HPSE2: variants seen among roughly 807,000 people sequenced by gnomAD.
The protein encoded by HPSE2 is heparanase 2 (inactive), also known as inactive heparanase-2.
A neutral mutation model predicts 60.5 loss-of-function variants in HPSE2; 38 were observed. The observed-to-expected ratio is 0.63, with a 90% CI of 0.48 to 0.82. The LOEUF (loss-of-function observed/expected upper bound fraction) is 0.82, where lower values mean the gene tolerates loss of function less well. Ranked by LOEUF, HPSE2 falls within the 40% of genes least tolerant of loss-of-function variation. HPSE2 has a pLI of 0.00. For synonymous variants in HPSE2, 295 were observed against 293.2 expected, an observed-to-expected ratio of 1.01 and a Z score of -0.06; for missense variants, 713 against 740.4, an observed-to-expected ratio of 0.96 and a Z score of 0.43.
intron 9 of HPSE2, among the ~76,000 whole-genome samples, chr10:98,504,286 T>C (rs185872801): frequency 6.6e-6 from 1 of 152,364 alleles, no homozygotes; most frequent in Non-Finnish European, 1.5e-5. Flanking sequence ...TTATTTACTA[T>C]GTTCAATGAA....
At chr10:98,721,566 T>C (rs1948924202) in intron 5 of HPSE2, 91 bp downstream of exon 5, 12 of 1,280,976 alleles carry the variant, frequency 9.4e-6, no homozygotes, top group Non-Finnish European at 1.3e-5. Context: ...CCAAAATAAA[T>C]AAATAAATAA....
At chr10:99,302,224 A>G in the HPSE2 span, among the ~76,000 whole-genome samples, 1 of 152,148 alleles carries the variant, frequency 6.6e-6, no homozygotes, top group African/African-American at 2.4e-5. Context: ...TTAGGAAAAG[A>G]CTTAAGAGTC....
chr10:98,817,954 G>A (rs1304773941), intron 3 of HPSE2, among the ~76,000 whole-genome samples: 1 of 152,138 alleles, frequency 6.6e-6, no homozygotes, highest in African/African-American at 2.4e-5. Context: ...ATACACAAGG[G>A]ATTGGTTTCC....
At chr10:99,013,974 T>G in intron 3 of HPSE2, 1 of 384,268 alleles carries the variant, frequency 2.6e-6, no homozygotes, top group South Asian at 2.0e-5. Flanking sequence ...GGACCCTGCC[T>G]CCAGACACCC....
At chr10:99,007,725 G>A (rs1349855929) in intron 3 of HPSE2, among the ~76,000 whole-genome samples, 1 of 152,174 alleles carries the variant, frequency 6.6e-6, no homozygotes, top group African/African-American at 2.4e-5. Context: ...GGTCATGATG[G>A]TCTCCTACAG....
At chr10:99,096,031 T>A (rs1201788487) in intron 3 of HPSE2, among the ~76,000 whole-genome samples, 3 of 152,172 alleles carry the variant, frequency 2.0e-5, no homozygotes, top group African/African-American at 7.2e-5. Flanking sequence ...AGAAAATTAA[T>A]ACCACCCATA....
At chr10:98,766,432 AT>A (rs1364955513) in intron 3 of HPSE2, among the ~76,000 whole-genome samples, 1 of 152,218 alleles carries the variant, frequency 6.6e-6, no homozygotes, top group Non-Finnish European at 1.5e-5. Flanking sequence ...TTCTTAATGC[AT>A]TTTGAGGCCA....
intron 9 of HPSE2, among the ~76,000 whole-genome samples, chr10:98,493,249 T>C (rs1056132615): frequency 2.6e-5 from 4 of 152,196 alleles, no homozygotes; most frequent in African/African-American, 9.6e-5. Context: ...AAATGTCCCA[T>C]ATGCAATGAG....
intron 2 of HPSE2, among the ~76,000 whole-genome samples, chr10:99,182,469 T>C (rs766784594): frequency 1.1e-4 from 16 of 152,210 alleles, no homozygotes; most frequent in Non-Finnish European, 2.1e-4. Flanking sequence ...GCAAGCTGCT[T>C]GTACTGTTAT....
At chr10:98,894,568 G>T (rs1953429967) in intron 3 of HPSE2, among the ~76,000 whole-genome samples, 1 of 151,890 alleles carries the variant, frequency 6.6e-6, no homozygotes, top group African/African-American at 2.4e-5. Flanking sequence ...TAGAGCTAAA[G>T]AAATTACCTA....
chr10:98,592,347 T>C (rs192239703), intron 9 of HPSE2, among the ~76,000 whole-genome samples: 2 of 152,352 alleles, frequency 1.3e-5, no homozygotes, highest in East Asian at 3.9e-4. Flanking sequence ...ACATGGACCA[T>C]GCCAACTAGA....
At chr10:99,150,258 T>G (rs1360822929) in intron 2 of HPSE2, among the ~76,000 whole-genome samples, 1 of 152,196 alleles carries the variant, frequency 6.6e-6, no homozygotes, top group African/African-American at 2.4e-5. Context: ...AACTAACCAG[T>G]TAGTAACCCA....
intron 3 of HPSE2, among the ~76,000 whole-genome samples, chr10:98,816,067 T>C (rs574612645): frequency 1.9e-4 from 28 of 148,900 alleles, no homozygotes; most frequent in African/African-American, 6.9e-4. Context: ...TTAGGAGATA[T>C]ACCTAATGCT....
chr10:99,004,246 G>C (rs186950390), intron 3 of HPSE2, among the ~76,000 whole-genome samples: 22 of 151,946 alleles, frequency 1.4e-4, no homozygotes, highest in Admixed American at 1.2e-3. Context: ...TTACATTCAA[G>C]ATAATTATTA....
intron 6 of HPSE2, among the ~76,000 whole-genome samples, chr10:98,644,003 T>C (rs553773246): frequency 6.6e-5 from 10 of 152,202 alleles, no homozygotes; most frequent in Non-Finnish European, 1.0e-4. Context: ...TTAATACCTA[T>C]TGAGATAAAA....
At chr10:99,042,666 C>A (rs903678803) in intron 3 of HPSE2, among the ~76,000 whole-genome samples, 1 of 151,998 alleles carries the variant, frequency 6.6e-6, no homozygotes. Context: ...AAGGGCCCAC[C>A]GAGAAAGGTG....
At chr10:99,229,094 T>C (rs1004108179) in intron 2 of HPSE2, among the ~76,000 whole-genome samples, 11 of 151,542 alleles carry the variant, frequency 7.3e-5, no homozygotes, top group African/African-American at 2.7e-4. Flanking sequence ...AAAATCACTC[T>C]ACCTGGGAGG....
intron 2 of HPSE2, among the ~76,000 whole-genome samples, chr10:99,160,622 G>A (rs547784136): frequency 4.6e-5 from 7 of 152,260 alleles, no homozygotes; most frequent in African/African-American, 7.2e-5. Context: ...CTACATGGCC[G>A]GGCGCGGTGG....
At chr10:99,230,413 T>C (rs2133947274) in intron 2 of HPSE2, among the ~76,000 whole-genome samples, 1 of 152,268 alleles carries the variant, frequency 6.6e-6, no homozygotes, top group Non-Finnish European at 1.5e-5. Flanking sequence ...ACTACATTCC[T>C]AGAGATATTT....
Sources: gnomAD v4.1 joint callset for allele counts (sites outside exome capture counted in the v4.1 genomes callset) on GRCh38, gnomAD v4.1.1 for gene constraint, MANE v1.5 for transcripts, NCBI Gene and HGNC (gene_info 2026-07-23, HGNC 2026-07-21) for gene names.